The following ABCA13 variants were observed in gnomAD, a reference collection of about 807,000 sequenced individuals.
ABCA13 encodes the protein ATP binding cassette subfamily A member 13.
Under a neutral mutation model 478.7 loss-of-function variants are expected in ABCA13, and 476 were observed. That is an observed-to-expected ratio of 0.99 (90% CI 0.92 to 1.07). ABCA13 has a LOEUF of 1.07. ABCA13 is among the 50% of genes least tolerant of loss of function. The probability of loss-of-function intolerance (pLI) is 0.00; values close to 1 mark genes in which losing one functional copy is unlikely to be tolerated. For synonymous variants in ABCA13, 2,252 were observed against 2,158.9 expected (o/e 1.04, Z -1.20); for missense variants, 6,060 against 5,910.6 (o/e 1.03, Z -0.83).
chr7:48,335,539 A>T lies in ABCA13; in HGVS notation c.10113+4A>T, dbSNP rs1806117955. On this transcript the variant is annotated splice_donor_region_variant and intron_variant, in intron 28 of 61. Coordinates refer to ENST00000435803, the MANE Select transcript of ABCA13 (RefSeq NM_152701.5). ...CCAGATGTTCAACCAGCTGCAGGTG[A>T]GTGGTTGGTCTTTGCCACCGAGGGA... The T allele has an allele frequency of 1.2e-6, 2 of 1,612,098 alleles. No homozygotes were observed. Among genetic ancestry groups the T allele is most frequent in the Admixed American group, 1.7e-5 (1 of 59,926 alleles).
chr7:48,499,776 A>T (rs1830582650), intron 48 of ABCA13, among the ~76,000 whole-genome samples: 1 of 152,170 alleles, frequency 6.6e-6, no homozygotes, highest in African/African-American at 2.4e-5. Context: ...TCTTCTACTC[A>T]ATTCTGGTGT....
chr7:48,438,509 A>C (rs1823143461), intron 42 of ABCA13, among the ~76,000 whole-genome samples: 1 of 151,898 alleles, frequency 6.6e-6, no homozygotes. Flanking sequence ...TTTCTGACTA[A>C]ATACTGGCAT....
intron 23 of ABCA13, among the ~76,000 whole-genome samples, chr7:48,306,489 A>G (rs1176965825): frequency 6.6e-6 from 1 of 152,136 alleles, no homozygotes; most frequent in South Asian, 2.1e-4. Flanking sequence ...GCAAAAGCCT[A>G]TTTTGTGGGA....
At chr7:48,353,304 A>G (rs1024818353) in intron 31 of ABCA13, among the ~76,000 whole-genome samples, 9 of 151,602 alleles carry the variant, frequency 5.9e-5, no homozygotes, top group Non-Finnish European at 1.2e-4. Context: ...CTGCTCCCAC[A>G]GCTGGCCTGG....
chr7:48,204,771 C>A (rs1003305852), intron 3 of ABCA13, among the ~76,000 whole-genome samples: 1 of 152,190 alleles, frequency 6.6e-6, no homozygotes, highest in Admixed American at 6.5e-5. Context: ...GGTCAGCTAC[C>A]TGCTCGCGAT....
chr7:48,293,729 A>T (rs1012860322), intron 20 of ABCA13, among the ~76,000 whole-genome samples: 1 of 151,984 alleles, frequency 6.6e-6, no homozygotes, highest in African/African-American at 2.4e-5. Flanking sequence ...TTTGTCAATT[A>T]ATAGGTATTA....
At chr7:48,277,602 T>C (rs1466547276) in intron 17 of ABCA13, among the ~76,000 whole-genome samples, 8 of 152,194 alleles carry the variant, frequency 5.3e-5, no homozygotes, top group African/African-American at 1.9e-4. Context: ...GAATCTCCCC[T>C]GTAGCCCACC....
intron 1 of ABCA13, among the ~76,000 whole-genome samples, chr7:48,184,098 A>C (rs893452520): frequency 6.6e-6 from 1 of 152,210 alleles, no homozygotes; most frequent in African/African-American, 2.4e-5. Flanking sequence ...GCATATGGTC[A>C]CTGACAATGA....
At chr7:48,206,165 G>A (rs879364019) in intron 3 of ABCA13, among the ~76,000 whole-genome samples, 1 of 152,140 alleles carries the variant, frequency 6.6e-6, no homozygotes, top group Admixed American at 6.6e-5. Context: ...AATGTTTTGA[G>A]ATTTATTTAT....
rs549805217 is a variant in ABCA13, at chr7:48,275,406, G to T, written c.5740G>T (p.Val1914Leu). ...SEVFHVNISL[V>L]KTVQKFWHKI... ...AGTCTTCCATGTTAACATTTCTCTTGTGAAAACTGTGCAGAAATTTTGGCA... is the reference window on the plus strand; with the variant it reads ...AGTCTTCCATGTTAACATTTCTCTTTTGAAAACTGTGCAGAAATTTTGGCA... The change falls in exon 17 of 62, where the codon GTG (valine) becomes TTG (leucine). Residue 1914 changes from valine (V) to leucine (L), a missense_variant. Physicochemically the swap from Val to Leu is conservative, Grantham distance 32. This residue lies in a region of ABCA13 where 4,423 missense variants were observed against 4,309.1 expected (regional missense o/e 1.03). Coordinates refer to ENST00000435803, the MANE Select transcript of ABCA13 (RefSeq NM_152701.5). The T allele has an allele frequency of 6.2e-7, 1 of 1,613,906 alleles. No homozygotes were observed. The highest frequency in any genetic ancestry group is 2.2e-5 in the East Asian group (1 of 44,864).
At chr7:48,607,003 T>C (rs575555273) in intron 58 of ABCA13, among the ~76,000 whole-genome samples, 2 of 152,304 alleles carry the variant, frequency 1.3e-5, no homozygotes, top group South Asian at 4.1e-4. Context: ...TGTTTACACT[T>C]TGAGGGTGAA....
intron 21 of ABCA13, 96 bp downstream of exon 21, chr7:48,295,959 G>T (rs1799303929): frequency 7.1e-7 from 1 of 1,405,498 alleles, no homozygotes; most frequent in Non-Finnish European, 9.4e-7. Context: ...ACAGTGGTCT[G>T]TATAATATAC....
At chr7:48,532,106 C>T (rs527492126) in intron 55 of ABCA13, among the ~76,000 whole-genome samples, 91 of 152,096 alleles carry the variant, frequency 6.0e-4, no homozygotes, top group Non-Finnish European at 1.1e-3. Flanking sequence ...TTCAGCTTGT[C>T]CCCATTCAGT....
chr7:48,559,468 C>A (rs1309043683), intron 55 of ABCA13, among the ~76,000 whole-genome samples: 1 of 152,092 alleles, frequency 6.6e-6, no homozygotes, highest in Non-Finnish European at 1.5e-5. Flanking sequence ...TGTCCAAGAG[C>A]CTAGGCTTGG....
At chr7:48,294,323 G>A (rs78600025) in intron 20 of ABCA13, among the ~76,000 whole-genome samples, 4,634 of 151,334 alleles carry the variant, frequency 0.031, 184 homozygotes, top group Admixed American at 0.1. Context: ...TTCTCTAGAT[G>A]TGTTCATTCT....
chr7:48,514,355 C>G (rs1013985321), intron 51 of ABCA13, among the ~76,000 whole-genome samples: 4 of 152,152 alleles, frequency 2.6e-5, no homozygotes, highest in African/African-American at 7.2e-5. Flanking sequence ...GAGAAAGACC[C>G]AGTCTTTTGT....
At chr7:48,299,519 C>T (rs995991688) in intron 23 of ABCA13, among the ~76,000 whole-genome samples, 7 of 152,170 alleles carry the variant, frequency 4.6e-5, no homozygotes, top group African/African-American at 1.7e-4. Flanking sequence ...GAAATTGTCT[C>T]TTCCCTACCT....
chr7:48,637,934 T>TA (rs1312524441), intron 59 of ABCA13, among the ~76,000 whole-genome samples: 1 of 152,184 alleles, frequency 6.6e-6, no homozygotes, highest in Non-Finnish European at 1.5e-5. Context: ...CAGAAGGGTT[T>TA]ATGTGTCCTG....
At chr7:48,606,543 G>C (rs1229326899) in intron 58 of ABCA13, among the ~76,000 whole-genome samples, 1 of 152,188 alleles carries the variant, frequency 6.6e-6, no homozygotes, top group African/African-American at 2.4e-5. Flanking sequence ...AGTGGTGGAG[G>C]CTGCAGAACA....
Sources: gnomAD v4.1 joint callset for allele counts (sites outside exome capture counted in the v4.1 genomes callset) on GRCh38, gnomAD v4.1.1 for gene constraint, gnomAD v4.1.1 regional missense constraint, MANE v1.5 for transcripts, NCBI Gene and HGNC (gene_info 2026-07-23, HGNC 2026-07-21) for gene names.